The following U2AF2 variants were observed in gnomAD, a reference collection of about 807,000 sequenced individuals.
The protein encoded by U2AF2 is splicing factor U2AF 65 kDa subunit.
Under a neutral mutation model 52.6 loss-of-function variants are expected in U2AF2, and 6 were observed. The observed-to-expected ratio is 0.11, with a 90% CI of 0.06 to 0.23. U2AF2 has a LOEUF of 0.23. Ranked by LOEUF, U2AF2 falls within the 10% of genes least tolerant of loss-of-function variation. The pLI is 1.00. For synonymous variants in U2AF2, 284 were observed against 258.2 expected (o/e 1.10, Z -0.96); for missense variants, 222 against 677.1 (o/e 0.33, Z 7.46).
In U2AF2 at chr19:55,667,810, G is replaced by A. The variant is rs548050172; in HGVS notation, c.743-697G>A. 1.1e-4 allele frequency among the ~76,000 whole-genome samples: 16 copies of A among 151,288 alleles called. No homozygotes were observed. The South Asian group carries it at 3.1e-3, about 30-fold the overall frequency. On this transcript the variant is annotated intron_variant, in intron 7 of 11. Transcript: ENST00000308924. ...TTTTTTTTTTTTTTCCTTTGAGATGGAGTCTCACTCTGTTGCTCAGGCTGG... is the reference window on the plus strand; with the variant it reads ...TTTTTTTTTTTTTTCCTTTGAGATGAAGTCTCACTCTGTTGCTCAGGCTGG...
At chr19:55,655,305 G>A (rs1041847802) in intron 1 of U2AF2, 152 bp downstream of exon 1, 9 of 856,966 alleles carry the variant, frequency 1.1e-5, no homozygotes, top group Non-Finnish European at 1.2e-5. Context: ...TTCACGTGAC[G>A]TCCCCAGCGT....
At chr19:55,673,848 C>T (rs919386281) in intron 11 of U2AF2, 86 bp from the exon 12 acceptor site, 6 of 1,523,404 alleles carry the variant, frequency 3.9e-6, no homozygotes, top group Admixed American at 4.2e-5. Flanking sequence ...CTGTCCCTTC[C>T]TGCCTTCAGT....
At position 55,668,539 on chromosome 19, in the gene U2AF2, C is replaced by T; in HGVS notation, c.775C>T (p.His259Tyr). 1 of 1,608,164 alleles carries T rather than the reference C, an allele frequency of 6.2e-7. No homozygotes were observed. The highest frequency in any genetic ancestry group is 8.5e-7 in the Non-Finnish European group (1 of 1,176,572). Residue 259 changes from histidine to tyrosine, a missense_variant, in exon 8 of 12, where the codon CAC (histidine) becomes TAC (tyrosine). This residue lies in a region of U2AF2 where 16 missense variants were observed against 203.1 expected (regional missense o/e 0.08). Transcript: ENST00000308924. This position sits in a 1 kb window ranked among gnomAD's most constrained non-coding sequence, Gnocchi z 5.5. ...VVSTVVPDSA[H>Y]KLFIGGLPNY... The stretch of plus-strand genomic sequence containing the variant: ...GTCCACTGTGGTCCCCGACTCTGCC[C>T]ACAAGCTGTTCATCGGGGGCTTACC...
chr19:55,673,587 C>T (rs1387996130), intron 11 of U2AF2, among the ~76,000 whole-genome samples: 3 of 152,172 alleles, frequency 2.0e-5, no homozygotes, highest in Non-Finnish European at 4.4e-5. Context: ...TGGGAGCGCC[C>T]ACCATGGTGG....
chr19:55,669,449 C>G lies in U2AF2; in HGVS notation c.1050C>G (p.Thr350=). 1 of 1,603,938 alleles carries G rather than the reference C, an allele frequency of 6.2e-7. No homozygotes were observed. Among genetic ancestry groups the G allele is most frequent in the Non-Finnish European group, 8.5e-7 (1 of 1,173,864 alleles). ...KNATLVSPPS[T]INQTPVTLQV... ...TGCCTCCCCTGGCCCCACAGAGCAC[C>G]ATCAATCAGACGCCTGTGACCCTGC... The change falls in exon 11 of 12, where the codon ACC becomes ACG. Residue 350 remains threonine, a synonymous_variant. Transcript: ENST00000308924.
At chr19:55,665,202 C>A (rs1984471237) in intron 7 of U2AF2, among the ~76,000 whole-genome samples, 1 of 152,234 alleles carries the variant, frequency 6.6e-6, no homozygotes, top group Admixed American at 6.5e-5. Context: ...ATTTTAAGTC[C>A]CATGAGTGGC....
rs780526852 is a variant in U2AF2 at position 55,669,139 on chromosome 19, G to A, written c.1002G>A (p.Arg334=). Reference sequence around the variant, plus strand: ...GGGATAAGAAGCTGCTGGTCCAGAGGGCGAGTGTGGGAGCCAAGAATGCCA... The same window carrying A: ...GGGATAAGAAGCTGCTGGTCCAGAGAGCGAGTGTGGGAGCCAAGAATGCCA... ...QLGDKKLLVQ[R]ASVGAKNATL... The change falls in exon 10 of 12, where the codon AGG becomes AGA. Residue 334 remains arginine, a synonymous_variant. Transcript: ENST00000308924. The A allele has an allele frequency of 8.7e-6, 14 of 1,613,884 alleles. No individual in the cohort carries two copies. In the African/African-American group the frequency reaches 1.3e-4, roughly 15 times the overall value.
chr19:55,672,636 T>A (rs1369497629), intron 11 of U2AF2, among the ~76,000 whole-genome samples: 1 of 152,202 alleles, frequency 6.6e-6, no homozygotes, highest in African/African-American at 2.4e-5. Flanking sequence ...CCTTAAAAAA[T>A]TGTTTTGTTT....
Position 55,668,574 on chromosome 19 carries a change from G to A in U2AF2, c.810G>A (p.Leu270=), listed in dbSNP as rs146153535. 3.1e-6 allele frequency: 5 copies of A among 1,607,482 alleles called. No individual in the cohort carries two copies. Among genetic ancestry groups the A allele is most frequent in the Middle Eastern group, 1.7e-4 (1 of 6,056 alleles). ...KLFIGGLPNY[L]NDDQVKELLT... ...TCATCGGGGGCTTACCCAACTACCT[G>A]AACGATGACCAGGTAACTTCCCTGC... Residue 270 remains leucine, a synonymous_variant, in exon 8 of 12, where the codon CTG becomes CTA. Coordinates refer to ENST00000308924, the MANE Select transcript of U2AF2 (RefSeq NM_007279.3). This position sits in a 1 kb window ranked among gnomAD's most constrained non-coding sequence, Gnocchi z 5.5.
chr19:55,672,185 A>C (rs1984964319), intron 11 of U2AF2: 1 of 151,500 alleles, frequency 6.6e-6, no homozygotes, highest in Non-Finnish European at 1.5e-5. Flanking sequence ...ATTTTTTGTT[A>C]CATGTCTTTT....
intron 5 of U2AF2, 110 bp downstream of exon 5, chr19:55,661,299 G>A: frequency 1.6e-6 from 2 of 1,216,706 alleles, no homozygotes; most frequent in Non-Finnish European, 1.1e-6. Context: ...GCTCCTGCAA[G>A]ACCCCCCGGC....
chr19:55,663,511 G>T, intron 6 of U2AF2, 95 bp from the exon 7 acceptor site: 1 of 1,520,288 alleles, frequency 6.6e-7, no homozygotes, highest in South Asian at 1.3e-5. Flanking sequence ...TTGTTCACAT[G>T]AGTGAAAGGA....
At position 55,659,251 on chromosome 19, in the gene U2AF2, C is replaced by T. The variant is rs375346202; in HGVS notation, c.91C>T (p.Arg31Cys). 5.0e-6 allele frequency: 8 copies of T among 1,602,286 alleles called. No homozygotes were observed. Among genetic ancestry groups the T allele is most frequent in the East Asian group, 4.5e-5 (2 of 44,014 alleles). ...ENRHRKRSHSRSRSRDRKRRS... is the reference protein window; with the variant it reads ...ENRHRKRSHSCSRSRDRKRRS... ...CCGGCATCGGAAGCGCAGCCACAGC[C>T]GCTCTCGGAGCCGGGACCGCAAACG... Residue 31 changes from arginine (R) to cysteine (C), a missense_variant, in exon 2 of 12, where the codon CGC becomes TGC. Around this residue, in one of 4 missense-constraint regions of U2AF2, gnomAD observed 100 missense variants for 144.1 expected, o/e 0.69. Coordinates refer to ENST00000308924, the MANE Select transcript of U2AF2 (RefSeq NM_007279.3).
chr19:55,669,734 C>A, intron 11 of U2AF2, 42 bp downstream of exon 11: 1 of 1,542,672 alleles, frequency 6.5e-7, no homozygotes, highest in Non-Finnish European at 8.8e-7. Flanking sequence ...CCCTCTGCCC[C>A]TCCTCTTCTC....
chr19:55,668,615 T>TC lies in U2AF2; in HGVS notation c.822+35dup, dbSNP rs769460460. The TC allele has an allele frequency of 2.4e-5, 36 of 1,513,724 alleles. No homozygotes were observed. The highest frequency in any genetic ancestry group is 5.2e-5 in the Admixed American group (3 of 58,116). 93.8% of individuals were successfully genotyped at this position (1,513,724 alleles called of 1,614,324 possible). A position where few individuals can be genotyped will look rare whatever the true frequency, so the allele number is the denominator to read the frequency against. On this transcript the variant is annotated intron_variant, in intron 8 of 11. Transcript: ENST00000308924. This position sits in a 1 kb window ranked among gnomAD's most constrained non-coding sequence, Gnocchi z 5.5. ...ACTTCCCTGCCTCCCTCCAGACCCG[T>TC]CCCCCCACCCCGCCCCACCTCATCC...
intron 6 of U2AF2, among the ~76,000 whole-genome samples, chr19:55,663,206 C>T (rs762952878): frequency 8.5e-5 from 13 of 152,182 alleles, no homozygotes; most frequent in African/African-American, 1.2e-4. Flanking sequence ...CTCACTCTGT[C>T]TTTGCCTCAC....
intron 11 of U2AF2, 98 bp downstream of exon 11, chr19:55,669,790 C>T (rs1051350927): frequency 1.2e-5 from 17 of 1,445,980 alleles, no homozygotes; most frequent in South Asian, 9.9e-5. Flanking sequence ...TCTCCCCCTC[C>T]TCTTCTCCGC....
Position 55,669,707 on chromosome 19 carries a change from G to A in U2AF2, c.1293+15G>A, listed in dbSNP as rs1343957908. 1.3e-6 allele frequency: 2 copies of A among 1,585,666 alleles called. No homozygotes were observed. The highest frequency in any genetic ancestry group is 2.7e-5 in the African/African-American group (2 of 74,476). The stretch of plus-strand genomic sequence containing the variant: ...GCTGCGGAAAGGTCAGGAGGCCTCG[G>A]GCTCAGTGCTCTCTCACCCTCTGCC... On this transcript the variant is annotated intron_variant, in intron 11 of 11. Transcript: ENST00000308924.
chr19:55,667,689 C>T (rs544214995), intron 7 of U2AF2, among the ~76,000 whole-genome samples: 10 of 152,264 alleles, frequency 6.6e-5, no homozygotes, highest in East Asian at 3.9e-4. Flanking sequence ...CGGGCAGCCG[C>T]GGCTGCTCAT....
Sources: allele counts gnomAD v4.1 joint callset (sites outside exome capture counted in the v4.1 genomes callset), GRCh38; gene constraint gnomAD v4.1.1; regional missense constraint gnomAD v4.1.1; non-coding constraint Gnocchi (gnomAD v3.1); transcripts MANE v1.5; gene names NCBI Gene and HGNC (gene_info 2026-07-23, HGNC 2026-07-21).